The following NEMP2 variants were observed in gnomAD, a reference collection of about 807,000 sequenced individuals.
NEMP2 encodes the protein UPF0571 transmembrane protein.
A neutral mutation model predicts 54.2 loss-of-function variants in NEMP2; 53 were observed. That is an observed-to-expected ratio of 0.98 (90% CI 0.78 to 1.23). NEMP2 has a LOEUF of 1.23. Among genes scored for constraint, NEMP2 ranks in the 50% most tolerant of loss-of-function variants. The probability of loss-of-function intolerance (pLI) is 0.00; values close to 1 mark genes in which losing one functional copy is unlikely to be tolerated. For synonymous variants in NEMP2, 197 were observed against 190.3 expected, an observed-to-expected ratio of 1.04 and a Z score of -0.29; for missense variants, 455 against 511.3, an observed-to-expected ratio of 0.89 and a Z score of 1.06.
the NEMP2 span, among the ~76,000 whole-genome samples, chr2:190,495,188 C>G: frequency 6.9e-6 from 1 of 144,532 alleles, no homozygotes; most frequent in Non-Finnish European, 1.5e-5. The surrounding 1 kb of genome is among the most constrained non-coding windows in gnomAD (Gnocchi z 4.7). Context: ...AAATCAGTAG[C>G]TCTGCTGTAC....
At chr2:190,604,287 G>A in the NEMP2 span, among the ~76,000 whole-genome samples, 2 of 152,204 alleles carry the variant, frequency 1.3e-5, no homozygotes, top group African/African-American at 2.4e-5. The surrounding 1 kb of genome is among the most constrained non-coding windows in gnomAD (Gnocchi z 4.5). Context: ...AATGGAAAAG[G>A]TGGTATGGAC....
chr2:190,619,506 TA>T, the NEMP2 span, among the ~76,000 whole-genome samples: 1 of 149,960 alleles, frequency 6.7e-6, no homozygotes, highest in African/African-American at 2.5e-5. The surrounding 1 kb of genome is among the most constrained non-coding windows in gnomAD (Gnocchi z 5.5). Flanking sequence ...TCTCAAAAAA[TA>T]AAAAAATTAA....
chr2:190,613,329 A>G, the NEMP2 span, among the ~76,000 whole-genome samples: 1 of 152,136 alleles, frequency 6.6e-6, no homozygotes, highest in African/African-American at 2.4e-5. Context: ...AACCAATATT[A>G]ATGTTTTATT....
At chr2:190,617,722 T>C in the NEMP2 span, among the ~76,000 whole-genome samples, 60 of 152,368 alleles carry the variant, frequency 3.9e-4, no homozygotes, top group African/African-American at 1.4e-3. This position sits in a 1 kb window ranked among gnomAD's most constrained non-coding sequence, Gnocchi z 5.0. Context: ...AACAAGATTA[T>C]ATATTTTAAA....
chr2:190,595,277 G>A, the NEMP2 span, among the ~76,000 whole-genome samples: 1 of 152,124 alleles, frequency 6.6e-6, no homozygotes, highest in Admixed American at 6.5e-5. This position sits in a 1 kb window ranked among gnomAD's most constrained non-coding sequence, Gnocchi z 4.0. Context: ...AGACTTAAAT[G>A]TAAAACCTAA....
upstream of NEMP2, among the ~76,000 whole-genome samples, chr2:190,537,345 C>CCACACACA (rs548064374): frequency 2.6e-5 from 4 of 152,198 alleles, no homozygotes; most frequent in African/African-American, 9.7e-5. Context: ...CCCATAATCC[C>CCACACACA]CACACATCGT....
the NEMP2 span, chr2:190,469,962 T>C: frequency 2.8e-6 from 2 of 726,384 alleles, no homozygotes; most frequent in African/African-American, 1.8e-5. This position sits in a 1 kb window ranked among gnomAD's most constrained non-coding sequence, Gnocchi z 5.3. Context: ...GCAGGCCTAC[T>C]GTTTCATGTG....
chr2:190,573,894 C>A, the NEMP2 span, among the ~76,000 whole-genome samples: 2 of 152,204 alleles, frequency 1.3e-5, no homozygotes, highest in Middle Eastern at 6.8e-3. Flanking sequence ...ATATGCCAGG[C>A]ATTTGTGTAC....
At chr2:190,476,633 G>A in the NEMP2 span, among the ~76,000 whole-genome samples, 1 of 152,202 alleles carries the variant, frequency 6.6e-6, no homozygotes, top group African/African-American at 2.4e-5. Context: ...AACCATTGTG[G>A]AAGTCAGTGT....
chr2:190,449,373 C>A, the NEMP2 span, among the ~76,000 whole-genome samples: 4 of 152,018 alleles, frequency 2.6e-5, no homozygotes, highest in African/African-American at 9.7e-5. Flanking sequence ...ACTTGGGAGG[C>A]TGAGGCAGGA....
the NEMP2 span, among the ~76,000 whole-genome samples, chr2:190,542,130 A>G: frequency 1.8e-4 from 27 of 152,082 alleles, no homozygotes; most frequent in Admixed American, 3.3e-4. The surrounding 1 kb of genome is among the most constrained non-coding windows in gnomAD (Gnocchi z 4.6). Flanking sequence ...CTGTTTTGGA[A>G]ATTTTTCTGT....
chr2:190,561,588 G>A, the NEMP2 span, among the ~76,000 whole-genome samples: 1 of 152,204 alleles, frequency 6.6e-6, no homozygotes, highest in Admixed American at 6.5e-5. The surrounding 1 kb of genome is among the most constrained non-coding windows in gnomAD (Gnocchi z 5.4). Flanking sequence ...CTCTATAAAA[G>A]CTCTGTCTCC....
At chr2:190,535,992 G>T (rs528106789), upstream of NEMP2, 10 of 152,318 alleles carry the variant, frequency 6.6e-5, no homozygotes, top group Non-Finnish European at 1.2e-4. Flanking sequence ...AAACAGGTGG[G>T]TTGTTGAATG....
At chr2:190,422,597 T>C in the NEMP2 span, among the ~76,000 whole-genome samples, 1 of 152,194 alleles carries the variant, frequency 6.6e-6, no homozygotes, top group Admixed American at 6.5e-5. Context: ...TGATGCTTAT[T>C]ATGTGAAATA....
chr2:190,565,057 A>G, the NEMP2 span, among the ~76,000 whole-genome samples: 16 of 152,260 alleles, frequency 1.1e-4, no homozygotes, highest in African/African-American at 3.4e-4. Flanking sequence ...AAAGTTTGAG[A>G]TAAGTTCAAA....
chr2:190,600,458 C>T, the NEMP2 span, among the ~76,000 whole-genome samples: 385 of 152,258 alleles, frequency 2.5e-3, 9 homozygotes, highest in South Asian at 1.7e-3. This position sits in a 1 kb window ranked among gnomAD's most constrained non-coding sequence, Gnocchi z 4.9. Flanking sequence ...CCCAGTGTGG[C>T]CCTGTTGGGA....
chr2:190,436,556 T>C, the NEMP2 span: 1 of 1,614,236 alleles, frequency 6.2e-7, no homozygotes, highest in Non-Finnish European at 8.5e-7. This position sits in a 1 kb window ranked among gnomAD's most constrained non-coding sequence, Gnocchi z 5.3. Context: ...AGTCACCAGT[T>C]AACTATCCTG....
chr2:190,590,177 C>T, the NEMP2 span, among the ~76,000 whole-genome samples: 610 of 152,314 alleles, frequency 4.0e-3, 4 homozygotes, highest in African/African-American at 0.014. The surrounding 1 kb of genome is among the most constrained non-coding windows in gnomAD (Gnocchi z 5.1). Flanking sequence ...TCACATTGGG[C>T]ATTGACCCAC....
chr2:190,436,279 T>C, the NEMP2 span: 1 of 1,614,030 alleles, frequency 6.2e-7, no homozygotes, highest in Non-Finnish European at 8.5e-7. This position sits in a 1 kb window ranked among gnomAD's most constrained non-coding sequence, Gnocchi z 5.3. Flanking sequence ...TGCCTATGGC[T>C]CTCTCTATCC....
Sources: allele counts gnomAD v4.1 joint callset (sites outside exome capture counted in the v4.1 genomes callset), GRCh38; gene constraint gnomAD v4.1.1; non-coding constraint Gnocchi (gnomAD v3.1); transcripts MANE v1.5; gene names NCBI Gene and HGNC (gene_info 2026-07-23, HGNC 2026-07-21).